DDX60L: variants seen among roughly 807,000 people sequenced by gnomAD.
DDX60L encodes the protein DExD/H-box 60 like, also known as probable ATP-dependent RNA helicase DDX60-like.
Under a neutral mutation model 211.6 loss-of-function variants are expected in DDX60L, and 191 were observed. The observed-to-expected ratio is 0.90, with a 90% CI of 0.80 to 1.02. The LOEUF (loss-of-function observed/expected upper bound fraction) is 1.02, where lower values mean the gene tolerates loss of function less well. Among genes scored for constraint, DDX60L ranks in the 50% least tolerant of loss-of-function variants. The probability of loss-of-function intolerance (pLI) is 0.00; values close to 1 mark genes in which losing one functional copy is unlikely to be tolerated. For missense variants in DDX60L, 2,007 were observed against 1,984.1 expected (o/e 1.01, Z -0.22); for synonymous variants, 706 against 694.1 (o/e 1.02, Z -0.27).
intron 6 of DDX60L, among the ~76,000 whole-genome samples, chr4:168,456,438 GATT>G (rs1280275946): frequency 3.9e-5 from 6 of 152,010 alleles, no homozygotes; most frequent in South Asian, 2.1e-4. Flanking sequence ...GAAGGAAATA[GATT>G]ATTAATAAAA....
chr4:168,431,577 AG>A (rs1735054193), intron 12 of DDX60L, among the ~76,000 whole-genome samples: 1 of 150,102 alleles, frequency 6.7e-6, no homozygotes, highest in Admixed American at 6.7e-5. Context: ...GGGGAGGGAT[AG>A]CATTAAGAGA....
chr4:168,438,277 T>C (rs1372036995), intron 10 of DDX60L, among the ~76,000 whole-genome samples: 2 of 152,208 alleles, frequency 1.3e-5, no homozygotes, highest in Non-Finnish European at 2.9e-5. Context: ...TCCTGCCTTT[T>C]GGGGCCAGTG....
intron 4 of DDX60L, among the ~76,000 whole-genome samples, chr4:168,465,598 T>C (rs779931967): frequency 2.0e-5 from 3 of 152,244 alleles, no homozygotes; most frequent in South Asian, 2.1e-4. Flanking sequence ...ATTTCCCCTA[T>C]GTTTTTTTCT....
chr4:168,360,760 A>T (rs1289037795), intron 37 of DDX60L, among the ~76,000 whole-genome samples: 1 of 152,234 alleles, frequency 6.6e-6, no homozygotes, highest in African/African-American at 2.4e-5. Context: ...AACTGCTTTG[A>T]AGTGGATATA....
At chr4:168,396,155 A>C in intron 26 of DDX60L, 31 bp from the exon 27 acceptor site, 1 of 1,289,278 alleles carries the variant, frequency 7.8e-7, no homozygotes, top group Non-Finnish European at 1.0e-6. Flanking sequence ...AAAACTTTTA[A>C]GTAATGAAAA....
At position 168,384,803 on chromosome 4, in the gene DDX60L, G is replaced by T; in HGVS notation, c.3925C>A (p.Arg1309Ser). 1 of 1,612,512 alleles carries T rather than the reference G, an allele frequency of 6.2e-7. No homozygotes were observed. The highest frequency in any genetic ancestry group is 8.5e-7 in the Non-Finnish European group (1 of 1,179,214). Residue 1309 changes from arginine to serine, a missense_variant, in exon 30 of 38, where the codon CGT (arginine) becomes AGT (serine). Transcript: ENST00000682922. ...DALNYRQMSG[R>S]AGRRGQDLLG... ...AGGTCTTGACCTCTTCTTCCAGCACGACCAGACATCTGGAAGCAGCAAAGA... is the reference window on the plus strand; with the variant it reads ...AGGTCTTGACCTCTTCTTCCAGCACTACCAGACATCTGGAAGCAGCAAAGA...
Position 168,427,257 on chromosome 4 carries a change from G to C in DDX60L, c.1743C>G (p.Asn581Lys), listed in dbSNP as rs371112490. Residue 581 changes from asparagine to lysine, a missense_variant, in exon 14 of 38, where the codon AAC becomes AAG. Physicochemically the swap from Asn to Lys is moderately conservative, Grantham distance 94. Transcript: ENST00000682922. ...GCAGATCATCGTTTTGCTGAGCTTTGTTCTGATCTTCTTTGAGAAATGACT... is the reference window on the plus strand; with the variant it reads ...GCAGATCATCGTTTTGCTGAGCTTTCTTCTGATCTTCTTTGAGAAATGACT... The part of the protein sequence containing the change: ...KKKSFLKEDQ[N>K]KAQQNDDLLF... The C allele has an allele frequency of 6.2e-6, 10 of 1,613,704 alleles. No homozygotes were observed. The highest frequency in any genetic ancestry group is 7.6e-6 in the Non-Finnish European group (9 of 1,179,784).
intron 36 of DDX60L, among the ~76,000 whole-genome samples, chr4:168,363,921 T>G (rs1158627743): frequency 6.6e-6 from 1 of 152,118 alleles, no homozygotes; most frequent in Non-Finnish European, 1.5e-5. Context: ...GATTTTATTT[T>G]AAAGGTAACA....
rs368734701 is a variant in DDX60L, at chr4:168,419,387, G to A, written c.2525C>T (p.Thr842Ile). ...HNVLNCQVLI[T>I]VPECFEILLL... ...CAGGATTTCAAAACATTCCGGCACT[G>A]TAATAAGTACCTACAAATATGAATG... Residue 842 changes from threonine (T) to isoleucine (I), a missense_variant, in exon 19 of 38, where the codon ACA becomes ATA. By Grantham distance (89) the Thr-to-Ile change is moderately conservative. Coordinates refer to ENST00000682922, the MANE Select transcript of DDX60L (RefSeq NM_001012967.3). 1 of 1,583,718 alleles carries A rather than the reference G, an allele frequency of 6.3e-7. No individual in the cohort carries two copies. The highest frequency in any genetic ancestry group is 1.3e-5 in the African/African-American group (1 of 74,566).
Position 168,456,066 on chromosome 4 carries a change from T to C in DDX60L, c.810A>G (p.Leu270=), listed in dbSNP as rs957819328. 3.1e-5 allele frequency: 49 copies of C among 1,595,034 alleles called. 1 individual carries two copies. The highest frequency in any genetic ancestry group is 3.9e-5 in the Non-Finnish European group (46 of 1,172,786). The change falls in exon 7 of 38, where the codon CTA becomes CTG. Residue 270 remains leucine (L), a synonymous_variant. Transcript: ENST00000682922. ...AGACACGATGGTACATTCTCAAGGA[T>C]AGTGAACATGAAGTGACACAGAGAA... ...QRVLCVTSCS[L]SLRMYHRVLV... is the part of the protein sequence containing the mutation.
At chr4:168,438,896 A>G (rs768211237) in intron 10 of DDX60L, among the ~76,000 whole-genome samples, 1 of 152,162 alleles carries the variant, frequency 6.6e-6, no homozygotes, top group African/African-American at 2.4e-5. Flanking sequence ...TTAAGCAGAT[A>G]TTTTTGTTTT....
rs180791670 is a variant in DDX60L at position 168,442,043 on chromosome 4, C to G, written c.1139-551G>C. ...AACAGCTCTGGTCTACAGCTCCCAG[C>G]GTGAGCAACGCAGAAGACGGGTGAT... is the stretch of plus-strand genomic sequence containing the variant. On this transcript the variant is annotated intron_variant, in intron 9 of 37. Coordinates refer to ENST00000682922, the MANE Select transcript of DDX60L (RefSeq NM_001012967.3). 4.5e-3 allele frequency among the ~76,000 whole-genome samples: 689 copies of G among 152,200 alleles called. 2 individuals are homozygous for G. The highest frequency in any genetic ancestry group is 0.028 in the South Asian group (135 of 4,818).
chr4:168,443,090 G>T (rs1754200592), intron 9 of DDX60L, among the ~76,000 whole-genome samples: 1 of 151,612 alleles, frequency 6.6e-6, no homozygotes, highest in Non-Finnish European at 1.5e-5. Context: ...AGCTATGGGA[G>T]GACATTCAAA....
At chr4:168,442,711 C>A (rs1336052310) in intron 9 of DDX60L, among the ~76,000 whole-genome samples, 3 of 151,376 alleles carry the variant, frequency 2.0e-5, no homozygotes, top group Admixed American at 2.0e-4. Flanking sequence ...TCAAGTGGGT[C>A]CCTGACCCCT....
chr4:168,397,745 G>A (rs557662312), intron 26 of DDX60L, among the ~76,000 whole-genome samples: 3 of 152,348 alleles, frequency 2.0e-5, no homozygotes, highest in Non-Finnish European at 4.4e-5. Context: ...TGGAGCGGCC[G>A]CTGCCAGGAC....
chr4:168,399,650 G>T (rs1746443465), intron 26 of DDX60L, among the ~76,000 whole-genome samples: 1 of 152,182 alleles, frequency 6.6e-6, no homozygotes, highest in African/African-American at 2.4e-5. Context: ...TCCAAAGAAT[G>T]CCAAATAACA....
intron 29 of DDX60L, among the ~76,000 whole-genome samples, chr4:168,389,243 G>A (rs1003960226): frequency 1.3e-5 from 2 of 152,116 alleles, no homozygotes; most frequent in Non-Finnish European, 2.9e-5. Context: ...CTAGGAGCAG[G>A]TCATGACATG....
At chr4:168,424,432 G>A (rs947228990) in intron 14 of DDX60L, among the ~76,000 whole-genome samples, 1 of 152,046 alleles carries the variant, frequency 6.6e-6, no homozygotes, top group African/African-American at 2.4e-5. Flanking sequence ...TCTTTGTTAA[G>A]AAATATCCTC....
At position 168,421,926 on chromosome 4, in the gene DDX60L, AC is replaced by A; in HGVS notation, c.2245-18del. The A allele has an allele frequency of 1.2e-6, 2 of 1,613,936 alleles. No individual in the cohort carries two copies. The highest frequency in any genetic ancestry group is 1.7e-6 in the Non-Finnish European group (2 of 1,179,874). ...GAGTTCCTGCTGCAGGGTACAAAGC[AC>A]CATTTGTGTCAAGAAAGTGAACAGC... On this transcript the variant is annotated intron_variant, in intron 16 of 37. Coordinates refer to ENST00000682922, the MANE Select transcript of DDX60L (RefSeq NM_001012967.3).
Sources: gnomAD v4.1 joint callset for allele counts (sites outside exome capture counted in the v4.1 genomes callset) on GRCh38, gnomAD v4.1.1 for gene constraint, MANE v1.5 for transcripts, NCBI Gene and HGNC (gene_info 2026-07-23, HGNC 2026-07-21) for gene names.